The following RCC1 variants were observed in gnomAD, a reference collection of about 807,000 sequenced individuals.
The protein encoded by RCC1 is regulator of chromosome condensation 1, also known as regulator of chromosome condensation.
Under a neutral mutation model 44.4 loss-of-function variants are expected in RCC1, and 11 were observed. The observed-to-expected ratio is 0.25, with a 90% CI of 0.16 to 0.41. The LOEUF (loss-of-function observed/expected upper bound fraction) is 0.41. Ranked by LOEUF, RCC1 falls within the 10% of genes least tolerant of loss-of-function variation. The probability of loss-of-function intolerance (pLI) is 1.00; values close to 1 mark genes in which losing one functional copy is unlikely to be tolerated. For synonymous variants in RCC1, 213 were observed against 216.5 expected, an observed-to-expected ratio of 0.98 and a Z score of 0.14; for missense variants, 386 against 547.1, an observed-to-expected ratio of 0.71 and a Z score of 2.94.
At chr1:28,521,615 A>T (rs1663290815) in intron 4 of RCC1, among the ~76,000 whole-genome samples, 2 of 151,626 alleles carry the variant, frequency 1.3e-5, no homozygotes, top group East Asian at 1.9e-4. Flanking sequence ...AGCCTCTGGG[A>T]CTCAAAGAGC....
intron 7 of RCC1, among the ~76,000 whole-genome samples, chr1:28,533,287 T>C (rs1224866582): frequency 1.3e-5 from 2 of 149,404 alleles, no homozygotes; most frequent in African/African-American, 5.0e-5. Flanking sequence ...CTGGCTAACA[T>C]GGTGAAACCC....
intron 5 of RCC1, among the ~76,000 whole-genome samples, chr1:28,531,445 C>A (rs972686988): frequency 6.6e-6 from 1 of 151,742 alleles, no homozygotes; most frequent in Non-Finnish European, 1.5e-5. Flanking sequence ...TAACTCCTGA[C>A]CTCAAGTGAT....
chr1:28,508,096 C>T (rs759736767), intron 1 of RCC1, 32 bp from the exon 2 acceptor site: 4 of 433,060 alleles, frequency 9.2e-6, no homozygotes, highest in Non-Finnish European at 1.4e-5. Flanking sequence ...TAGGGTTTTG[C>T]TGTACTAATA....
chr1:28,527,183 G>T, intron 4 of RCC1: 8 of 1,187,648 alleles, frequency 6.7e-6, no homozygotes, highest in African/African-American at 1.5e-5. Context: ...GCACTCACAT[G>T]CCGGGCAACT....
chr1:28,523,270 C>T (rs1331067757), intron 4 of RCC1, among the ~76,000 whole-genome samples: 1 of 151,976 alleles, frequency 6.6e-6, no homozygotes, highest in African/African-American at 2.4e-5. Flanking sequence ...CCGCCCGCCT[C>T]GGCCTCCCAA....
At chr1:28,511,403 GTTT>G (rs201429762) in intron 3 of RCC1, among the ~76,000 whole-genome samples, 15 of 141,420 alleles carry the variant, frequency 1.1e-4, no homozygotes, top group African/African-American at 2.5e-4. Flanking sequence ...TTTGTTTTTT[GTTT>G]TTTTTTTTTT....
intron 8 of RCC1, 32 bp downstream of exon 8, chr1:28,535,178 G>T (rs1178025139): frequency 2.5e-6 from 4 of 1,613,978 alleles, no homozygotes; most frequent in Non-Finnish European, 3.4e-6. Flanking sequence ...CAGGGCAGGA[G>T]TTGGAGGACC....
At chr1:28,532,656 T>C in intron 7 of RCC1, 1 of 505,642 alleles carries the variant, frequency 2.0e-6, no homozygotes, top group Non-Finnish European at 3.8e-6. Context: ...GACTTCTGTC[T>C]CCCCCTCACC....
At position 28,536,099 on chromosome 1, in the gene RCC1, T is replaced by G; in HGVS notation, c.817+73T>G. On this transcript the variant is annotated intron_variant, in intron 10 of 12. Coordinates refer to ENST00000683442, the MANE Select transcript of RCC1 (RefSeq NM_001381865.2). The surrounding 1 kb of genome is among the most constrained non-coding windows in gnomAD (Gnocchi z 4.9). ...TGTCCTGGCTCTGCCACTCATTCAT[T>G]GTGCATCCTTTGCGGGGTCGTCTAA... The G allele has an allele frequency of 1.3e-6, 2 of 1,551,478 alleles. No homozygotes were observed. Among genetic ancestry groups the G allele is most frequent in the Non-Finnish European group, 1.7e-6 (2 of 1,147,200 alleles).
intron 1 of RCC1, 171 bp downstream of exon 1, chr1:28,506,255 G>A (rs1246682122): frequency 2.3e-6 from 1 of 442,246 alleles, no homozygotes; most frequent in South Asian, 1.6e-5. Context: ...GGACTGCAGT[G>A]CTCGTTGCAA....
chr1:28,533,895 T>G (rs1664371750), intron 7 of RCC1, among the ~76,000 whole-genome samples: 1 of 77,946 alleles, frequency 1.3e-5, no homozygotes, highest in African/African-American at 6.8e-5. Context: ...TTTTTTTTTT[T>G]GAGACAGAGT....
intron 4 of RCC1, among the ~76,000 whole-genome samples, chr1:28,524,781 G>A (rs2124638259): frequency 6.6e-6 from 1 of 152,144 alleles, no homozygotes; most frequent in East Asian, 1.9e-4. Flanking sequence ...GGTTGAGGCT[G>A]CAGTGAGCCA....
At chr1:28,528,806 C>CAAA (rs61279276) in intron 4 of RCC1, among the ~76,000 whole-genome samples, 45 of 101,394 alleles carry the variant, frequency 4.4e-4, no homozygotes, top group African/African-American at 7.3e-4. Flanking sequence ...ATTTTTTTTC[C>CAAA]AAAAAAAAAA....
intron 1 of RCC1, 172 bp downstream of exon 1, chr1:28,506,256 C>G: frequency 2.3e-6 from 1 of 443,140 alleles, no homozygotes. Context: ...GACTGCAGTG[C>G]TCGTTGCAAC....
intron 5 of RCC1, among the ~76,000 whole-genome samples, chr1:28,530,165 A>G (rs80055855): frequency 6.6e-6 from 1 of 151,260 alleles, no homozygotes. Flanking sequence ...CACAAAAAAA[A>G]AAAAAAAAAA....
chr1:28,514,173 G>T (rs931902907), intron 3 of RCC1, among the ~76,000 whole-genome samples: 4 of 151,212 alleles, frequency 2.6e-5, no homozygotes, highest in African/African-American at 7.3e-5. Context: ...AAAAAAGGCG[G>T]GGCCCGGTGG....
At chr1:28,518,944 G>T (rs1185631821) in intron 4 of RCC1, 1 of 152,258 alleles carries the variant, frequency 6.6e-6, no homozygotes, top group East Asian at 1.9e-4. Context: ...GAACCCAGGC[G>T]ACGGACGCTA....
chr1:28,535,893 T>C lies in RCC1; in HGVS notation c.684T>C (p.Cys228=), dbSNP rs920329962. 9 of 1,613,714 alleles carry C rather than the reference T, an allele frequency of 5.6e-6. No individual in the cohort carries two copies. In the African/African-American group the frequency reaches 1.2e-4, roughly 22 times the overall value. The change falls in exon 10 of 13, where the codon TGT becomes TGC. Residue 228 remains cysteine (C), a synonymous_variant. Transcript: ENST00000683442. ...CAGAACGACTCCTGGTCCCCAAGTG[T>C]GTGATGCTGAAATCCAGGGGAAGCC... ...QGLERLLVPK[C]VMLKSRGSRG...
intron 5 of RCC1, chr1:28,530,547 G>C: frequency 6.2e-7 from 1 of 1,605,656 alleles, no homozygotes; most frequent in Non-Finnish European, 8.5e-7. Flanking sequence ...GCCTCCCGCC[G>C]CGTTCCTGGC....
Sources: allele counts gnomAD v4.1 joint callset (sites outside exome capture counted in the v4.1 genomes callset), GRCh38; gene constraint gnomAD v4.1.1; non-coding constraint Gnocchi (gnomAD v3.1); transcripts MANE v1.5; gene names NCBI Gene and HGNC (gene_info 2026-07-23, HGNC 2026-07-21).